The following PNKD variants were observed in gnomAD, a reference collection of about 807,000 sequenced individuals.
The protein encoded by PNKD is probable thioesterase PNKD.
Under a neutral mutation model 45.3 loss-of-function variants are expected in PNKD, and 36 were observed. That is an observed-to-expected ratio of 0.80 (90% confidence interval 0.61 to 1.05). PNKD has a LOEUF of 1.05. PNKD is among the 50% of genes least tolerant of loss of function. The pLI, the probability that PNKD is intolerant of heterozygous loss-of-function variation, is 0.00. For synonymous variants in PNKD, 197 were observed against 210.1 expected, an observed-to-expected ratio of 0.94 and a Z score of 0.54; for missense variants, 511 against 506.6, an observed-to-expected ratio of 1.01 and a Z score of -0.08.
chr2:218,295,163 G>C (rs1693111927), intron 2 of PNKD, among the ~76,000 whole-genome samples: 1 of 152,224 alleles, frequency 6.6e-6, no homozygotes, highest in Non-Finnish European at 1.5e-5. Flanking sequence ...GCCTGGCCCA[G>C]AGCAGCAGTG....
chr2:218,328,212 T>G (rs1184638323), intron 2 of PNKD, among the ~76,000 whole-genome samples: 1 of 152,204 alleles, frequency 6.6e-6, no homozygotes, highest in Non-Finnish European at 1.5e-5. Flanking sequence ...GGGCTAATTC[T>G]GTTTCTGCCG....
intron 2 of PNKD, among the ~76,000 whole-genome samples, chr2:218,282,468 G>A (rs1692117676): frequency 6.6e-6 from 1 of 152,236 alleles, no homozygotes; most frequent in Non-Finnish European, 1.5e-5. Flanking sequence ...AGGGAACCAG[G>A]GAGCCTGGGA....
At chr2:218,290,836 A>G (rs751672478) in intron 2 of PNKD, among the ~76,000 whole-genome samples, 10 of 152,228 alleles carry the variant, frequency 6.6e-5, no homozygotes, top group Non-Finnish European at 1.3e-4. Context: ...TGTCAAGGTC[A>G]TCCCTTCCAC....
intron 2 of PNKD, among the ~76,000 whole-genome samples, chr2:218,311,212 A>T (rs1376568422): frequency 6.6e-6 from 1 of 152,122 alleles, no homozygotes; most frequent in Non-Finnish European, 1.5e-5. Context: ...GGAGCCATTG[A>T]TCTGATCTCA....
intron 2 of PNKD, among the ~76,000 whole-genome samples, chr2:218,273,337 C>G (rs1272561): frequency 7.2e-5 from 11 of 152,164 alleles, no homozygotes; most frequent in East Asian, 1.9e-4. Context: ...GTGTTGTGAT[C>G]GTCAGCTCAC....
rs555731372 is a variant in PNKD, at chr2:218,278,908, G to A, written c.236+7359G>A. On this transcript the variant is annotated intron_variant, in intron 2 of 9. Coordinates refer to ENST00000273077, the MANE Select transcript of PNKD (RefSeq NM_015488.5). Reference sequence around the variant, plus strand: ...CACGCACACCCACACCCTCTGGCACGGGAAACTGGCACCAACTTGGGGGCC... The same window carrying A: ...CACGCACACCCACACCCTCTGGCACAGGAAACTGGCACCAACTTGGGGGCC... 111 of 1,045,304 alleles carry A rather than the reference G, an allele frequency of 1.1e-4. No individual in the cohort carries two copies. In the African/African-American group the frequency reaches 1.4e-3, roughly 13 times the overall value. The allele number at this position is 1,045,304 out of a possible 1,614,324, so 64.8% of individuals were successfully genotyped here.
chr2:218,297,226 C>G (rs535902287), intron 2 of PNKD, among the ~76,000 whole-genome samples: 9 of 152,266 alleles, frequency 5.9e-5, no homozygotes, highest in African/African-American at 2.2e-4. Context: ...TATGGGGGCT[C>G]CTCCCCCTTA....
At chr2:218,293,927 T>A (rs1195424201) in intron 2 of PNKD, among the ~76,000 whole-genome samples, 1 of 118,870 alleles carries the variant, frequency 8.4e-6, no homozygotes, top group Non-Finnish European at 1.7e-5. Context: ...AACAGAGATT[T>A]AAAAAAAAAA....
At chr2:218,335,705 C>T (rs1056809263) in intron 2 of PNKD, among the ~76,000 whole-genome samples, 1 of 152,110 alleles carries the variant, frequency 6.6e-6, no homozygotes, top group African/African-American at 2.4e-5. Flanking sequence ...GTTGGCAAAG[C>T]CCTTCAACCA....
intron 2 of PNKD, among the ~76,000 whole-genome samples, chr2:218,312,196 C>T (rs936211950): frequency 6.6e-6 from 1 of 152,214 alleles, no homozygotes; most frequent in African/African-American, 2.4e-5. Context: ...TACATAGACA[C>T]AGTAACAATC....
intron 2 of PNKD, among the ~76,000 whole-genome samples, chr2:218,295,202 G>T (rs1489313859): frequency 1.3e-5 from 2 of 152,206 alleles, no homozygotes; most frequent in Non-Finnish European, 2.9e-5. Context: ...TTCGATAAAT[G>T]ATGTTTTTTT....
chr2:218,338,516 T>C (rs13021032), intron 2 of PNKD, among the ~76,000 whole-genome samples: 43,120 of 149,696 alleles, frequency 0.29, 7,178 homozygotes, highest in African/African-American at 0.47. Context: ...CCTGTAATCC[T>C]AACACTTTGG....
At chr2:218,328,099 C>T (rs761911332) in intron 2 of PNKD, 6 of 152,270 alleles carry the variant, frequency 3.9e-5, no homozygotes, top group African/African-American at 7.2e-5. Flanking sequence ...CCTCTGTGAC[C>T]TGCCCATCCT....
At chr2:218,319,564 C>T (rs1693929442) in intron 2 of PNKD, among the ~76,000 whole-genome samples, 1 of 151,778 alleles carries the variant, frequency 6.6e-6, no homozygotes, top group Admixed American at 6.6e-5. Flanking sequence ...TTAGTAGAGA[C>T]AGGGTTTCAC....
At position 218,340,144 on chromosome 2, in the gene PNKD, G is replaced by A. The variant is rs1313298373; in HGVS notation, c.465+3G>A. On this transcript the variant is annotated splice_donor_region_variant and intron_variant, in intron 4 of 9. Transcript: ENST00000273077. The surrounding 1 kb of genome is among the most constrained non-coding windows in gnomAD (Gnocchi z 4.2). The stretch of plus-strand genomic sequence containing the variant: ...CTTCAGACCCTCGGGCTGTGCAGGT[G>A]AGGGGAGGGCAGGGAGCAGGGGGTG... The A allele has an allele frequency of 2.5e-6, 4 of 1,597,930 alleles. No individual in the cohort carries two copies. The highest frequency in any genetic ancestry group is 1.7e-5 in the Admixed American group (1 of 59,986).
At chr2:218,272,455 C>T (rs767712051) in intron 2 of PNKD, 5 of 933,128 alleles carry the variant, frequency 5.4e-6, no homozygotes, top group Non-Finnish European at 8.7e-6. Flanking sequence ...GATGAATAGA[C>T]TATAAGAGGT....
chr2:218,337,736 T>G (rs1054439389), intron 2 of PNKD, among the ~76,000 whole-genome samples: 1 of 152,208 alleles, frequency 6.6e-6, no homozygotes, highest in African/African-American at 2.4e-5. Context: ...TTGCAGACTC[T>G]GTATAGGTAT....
chr2:218,273,003 T>G, intron 2 of PNKD: 1 of 1,205,912 alleles, frequency 8.3e-7, no homozygotes, highest in Non-Finnish European at 1.1e-6. Flanking sequence ...TGGGGCTGGT[T>G]ACTCATGTGT....
intron 2 of PNKD, among the ~76,000 whole-genome samples, chr2:218,303,732 T>G (rs1222219067): frequency 6.6e-6 from 1 of 151,910 alleles, no homozygotes; most frequent in Non-Finnish European, 1.5e-5. Context: ...CCCACCACCA[T>G]GCCCAGCTAA....
Sources: gnomAD v4.1 joint callset for allele counts (sites outside exome capture counted in the v4.1 genomes callset) on GRCh38, gnomAD v4.1.1 for gene constraint, Gnocchi (gnomAD v3.1) non-coding constraint, MANE v1.5 for transcripts, NCBI Gene and HGNC (gene_info 2026-07-23, HGNC 2026-07-21) for gene names.